PDE1A: variants seen among roughly 807,000 people sequenced by gnomAD.
PDE1A encodes the protein dual specificity calcium/calmodulin-dependent 3',5'-cyclic nucleotide phosphodiesterase 1A.
PDE1A carries 35 observed loss-of-function variants against 61.7 expected under a neutral mutation model. The observed-to-expected ratio is 0.57, with a 90% CI of 0.43 to 0.75. PDE1A has a LOEUF of 0.75. Among genes scored for constraint, PDE1A ranks in the 30% least tolerant of loss-of-function variants. The pLI, the probability that PDE1A is intolerant of heterozygous loss-of-function variation, is 0.00. For missense variants in PDE1A, 597 were observed against 630.6 expected, an observed-to-expected ratio of 0.95 and a Z score of 0.57; for synonymous variants, 232 against 213.2, an observed-to-expected ratio of 1.09 and a Z score of -0.77.
the PDE1A span, among the ~76,000 whole-genome samples, chr2:182,644,455 C>A: frequency 1.3e-5 from 2 of 151,870 alleles, no homozygotes; most frequent in African/African-American, 4.8e-5. Context: ...TAATGCTCTT[C>A]TAATACAGTA....
the PDE1A span, among the ~76,000 whole-genome samples, chr2:182,561,869 G>A: frequency 8.4e-4 from 128 of 152,188 alleles, no homozygotes; most frequent in African/African-American, 2.9e-3. Flanking sequence ...TCTGTTATTC[G>A]TGTATAAGAA....
intron 2 of PDE1A, among the ~76,000 whole-genome samples, chr2:182,443,371 T>G (rs540300581): frequency 6.6e-6 from 1 of 152,186 alleles, no homozygotes; most frequent in African/African-American, 2.4e-5. Context: ...GGCTATGATA[T>G]GGTTTGGCTC....
chr2:182,144,337 C>G (rs1470360213), downstream of PDE1A, among the ~76,000 whole-genome samples: 30 of 152,146 alleles, frequency 2.0e-4, no homozygotes, highest in Non-Finnish European at 1.5e-5. Flanking sequence ...AATAATAAAG[C>G]AGCCTGGGAT....
At chr2:182,576,359 C>T in the PDE1A span, among the ~76,000 whole-genome samples, 1 of 152,156 alleles carries the variant, frequency 6.6e-6, no homozygotes, top group East Asian at 1.9e-4. Flanking sequence ...GCAAAATGTT[C>T]TCAAGATTCA....
intron 10 of PDE1A, among the ~76,000 whole-genome samples, chr2:182,200,394 C>T (rs1440097806): frequency 2.6e-5 from 4 of 152,110 alleles, no homozygotes; most frequent in African/African-American, 7.2e-5. Flanking sequence ...AGTTCAATCG[C>T]ATGTCCAATG....
At chr2:182,644,487 T>C in the PDE1A span, among the ~76,000 whole-genome samples, 1 of 152,114 alleles carries the variant, frequency 6.6e-6, no homozygotes. Context: ...GCAAAAATTC[T>C]ACATTAGAAG....
intron 13 of PDE1A, among the ~76,000 whole-genome samples, chr2:182,171,214 A>C (rs1273640302): frequency 6.6e-6 from 1 of 152,048 alleles, no homozygotes; most frequent in African/African-American, 2.4e-5. Flanking sequence ...AATGTAGGTC[A>C]TAGGTACAGT....
intron 2 of PDE1A, among the ~76,000 whole-genome samples, chr2:182,512,485 A>G (rs534329048): frequency 2.6e-5 from 4 of 152,356 alleles, no homozygotes; most frequent in Admixed American, 6.5e-5. Context: ...TTAAAGAAAC[A>G]TCAGCTTACA....
At chr2:182,183,058 A>T (rs1439461975) in intron 13 of PDE1A, among the ~76,000 whole-genome samples, 1 of 152,180 alleles carries the variant, frequency 6.6e-6, no homozygotes, top group Non-Finnish European at 1.5e-5. Flanking sequence ...TTTCTAGAAC[A>T]CATGGCAGAA....
chr2:182,563,368 G>A, the PDE1A span, among the ~76,000 whole-genome samples: 5 of 152,134 alleles, frequency 3.3e-5, no homozygotes, highest in African/African-American at 1.2e-4. Context: ...AAGTGGTTTT[G>A]AGTGAGTTTC....
the PDE1A span, among the ~76,000 whole-genome samples, chr2:182,665,199 A>T: frequency 6.6e-6 from 1 of 152,170 alleles, no homozygotes; most frequent in Non-Finnish European, 1.5e-5. Flanking sequence ...AAAAATGTAC[A>T]TGCTTACAAA....
chr2:182,201,179 T>A (rs571495669), intron 10 of PDE1A, among the ~76,000 whole-genome samples: 1 of 152,328 alleles, frequency 6.6e-6, no homozygotes, highest in East Asian at 1.9e-4. Flanking sequence ...AGATAACAAT[T>A]CTTAGCTGCT....
At chr2:182,681,332 G>C in the PDE1A span, among the ~76,000 whole-genome samples, 4 of 151,318 alleles carry the variant, frequency 2.6e-5, no homozygotes, top group African/African-American at 9.7e-5. Flanking sequence ...TAGAGAGAGA[G>C]AGTCTTGCTC....
intron 2 of PDE1A, among the ~76,000 whole-genome samples, chr2:182,511,906 C>T (rs4480955): frequency 0.34 from 50,978 of 151,984 alleles, 9,084 homozygotes; most frequent in Middle Eastern, 0.41. Flanking sequence ...ACCCATCTGC[C>T]GCTTCCCCTA....
intron 1 of PDE1A, among the ~76,000 whole-genome samples, chr2:182,325,782 G>T (rs115598100): frequency 0.015 from 2,321 of 152,232 alleles, 19 homozygotes; most frequent in Middle Eastern, 0.034. Flanking sequence ...AGCCTGGCAT[G>T]GTGGTGTGCA....
intron 13 of PDE1A, among the ~76,000 whole-genome samples, chr2:182,169,922 G>A (rs112275456): frequency 0.14 from 12,219 of 87,482 alleles, 1,158 homozygotes; most frequent in African/African-American, 0.31. Context: ...ACACACACAC[G>A]CACACACACA....
upstream of PDE1A, among the ~76,000 whole-genome samples, chr2:182,527,507 T>C (rs1400200643): frequency 1.3e-5 from 2 of 149,846 alleles, no homozygotes; most frequent in African/African-American, 4.9e-5. Flanking sequence ...GCAGTGAGCC[T>C]TGTTCATGCC....
At chr2:182,566,982 A>C in the PDE1A span, among the ~76,000 whole-genome samples, 1 of 152,202 alleles carries the variant, frequency 6.6e-6, no homozygotes, top group East Asian at 1.9e-4. Flanking sequence ...TTTCTTATAT[A>C]ATTATAATTT....
At chr2:182,214,154 C>A (rs1337151194) in intron 7 of PDE1A, among the ~76,000 whole-genome samples, 2 of 151,084 alleles carry the variant, frequency 1.3e-5, no homozygotes, top group African/African-American at 4.9e-5. Flanking sequence ...ATTTCATATC[C>A]AGCCAAACTA....
Sources: allele counts gnomAD v4.1 joint callset (sites outside exome capture counted in the v4.1 genomes callset), GRCh38; gene constraint gnomAD v4.1.1; transcripts MANE v1.5; gene names NCBI Gene and HGNC (gene_info 2026-07-23, HGNC 2026-07-21).